MTFR1: variants seen among roughly 807,000 people sequenced by gnomAD.
MTFR1 encodes the protein chondrocyte protein with a poly-proline region.
In MTFR1, 28 loss-of-function variants were observed where a neutral mutation model predicts 38.8. The observed-to-expected ratio is 0.72, with a 90% CI of 0.53 to 0.99. The LOEUF (loss-of-function observed/expected upper bound fraction) is 0.99, where lower values mean the gene tolerates loss of function less well. Ranked by LOEUF, MTFR1 falls within the 50% of genes least tolerant of loss-of-function variation. The probability of loss-of-function intolerance (pLI) is 0.00; values close to 1 mark genes in which losing one functional copy is unlikely to be tolerated. For synonymous variants in MTFR1, 145 were observed against 137.0 expected, an observed-to-expected ratio of 1.06 and a Z score of -0.41; for missense variants, 358 against 395.5, an observed-to-expected ratio of 0.91 and a Z score of 0.81.
chr8:65,719,440 A>G, exon 3 of MTFR1: 1 of 1,614,154 alleles, frequency 6.2e-7, no homozygotes. Flanking sequence ...ATAGCCTTGT[A>G]TTGGAAAACC....
intron 3 of MTFR1, among the ~76,000 whole-genome samples, chr8:65,729,709 C>A (rs948657612): frequency 4.0e-5 from 6 of 151,206 alleles, no homozygotes; most frequent in African/African-American, 1.2e-4. Flanking sequence ...ATTATAGGCG[C>A]CTACCACCAT....
At chr8:65,772,891 C>T (rs1809150163), downstream of MTFR1, among the ~76,000 whole-genome samples, 1 of 151,982 alleles carries the variant, frequency 6.6e-6, no homozygotes, top group Non-Finnish European at 1.5e-5. Context: ...ACCTGTAATC[C>T]CAGCTACTTG....
chr8:65,765,546 G>T (rs1808740524), intron 3 of MTFR1: 1 of 146,408 alleles, frequency 6.8e-6, no homozygotes, highest in Non-Finnish European at 1.5e-5. Context: ...ATGCTTACAT[G>T]GACTGGAACA....
intron 3 of MTFR1, chr8:65,727,531 TAC>T: frequency 2.3e-6 from 1 of 437,126 alleles, no homozygotes; most frequent in Non-Finnish European, 4.0e-6. Flanking sequence ...ATGTGGAGTT[TAC>T]AGAGTTCATC....
intron 4 of MTFR1, among the ~76,000 whole-genome samples, chr8:65,694,098 A>G (rs1252132995): frequency 2.3e-5 from 3 of 131,786 alleles, no homozygotes; most frequent in African/African-American, 5.7e-5. Flanking sequence ...TTTTTTAGAT[A>G]GAGTCTTGTT....
downstream of MTFR1, among the ~76,000 whole-genome samples, chr8:65,775,178 T>G (rs1809224921): frequency 6.6e-6 from 1 of 152,228 alleles, no homozygotes. Flanking sequence ...TTAGCTCCAT[T>G]CAATCTTTAA....
At chr8:65,755,750 T>C (rs1056327315) in intron 3 of MTFR1, among the ~76,000 whole-genome samples, 2 of 152,250 alleles carry the variant, frequency 1.3e-5, no homozygotes, top group Non-Finnish European at 2.9e-5. Context: ...TAACTGTTAA[T>C]ACCCTTTTAT....
At chr8:65,720,723 T>C (rs1434908811) in intron 3 of MTFR1, 1 of 152,238 alleles carries the variant, frequency 6.6e-6, no homozygotes, top group East Asian at 1.9e-4. Context: ...ACAAGATCCC[T>C]GCCCTCAAGG....
intron 3 of MTFR1, among the ~76,000 whole-genome samples, chr8:65,743,793 CCT>C (rs1387684304): frequency 6.6e-6 from 1 of 151,996 alleles, no homozygotes; most frequent in East Asian, 1.9e-4. Context: ...GCACTGACTT[CCT>C]CTCAGTGTAC....
chr8:65,667,520 C>T (rs994922440), intron 1 of MTFR1, among the ~76,000 whole-genome samples: 36 of 151,876 alleles, frequency 2.4e-4, no homozygotes, highest in African/African-American at 8.2e-4. Context: ...CTCTGCATTC[C>T]GGGTTCAAGC....
chr8:65,694,283 C>T (rs1805370352), intron 4 of MTFR1, among the ~76,000 whole-genome samples: 1 of 151,936 alleles, frequency 6.6e-6, no homozygotes, highest in Admixed American at 6.6e-5. Context: ...CCATGTTAGC[C>T]AGGCTGGTCT....
At chr8:65,690,359 A>AC (rs930615805) in intron 3 of MTFR1, among the ~76,000 whole-genome samples, 7 of 151,596 alleles carry the variant, frequency 4.6e-5, no homozygotes, top group African/African-American at 1.5e-4. Context: ...ACATGGCGAT[A>AC]CCCCCCATCT....
At chr8:65,704,966 A>G in intron 5 of MTFR1, 37 bp downstream of exon 5, 3 of 1,494,162 alleles carry the variant, frequency 2.0e-6, no homozygotes, top group Non-Finnish European at 2.7e-6. Context: ...TTAACTTGCA[A>G]ACTAGAAGTT....
At chr8:65,697,522 C>CA (rs1411262986) in intron 4 of MTFR1, among the ~76,000 whole-genome samples, 1 of 152,172 alleles carries the variant, frequency 6.6e-6, no homozygotes, top group Non-Finnish European at 1.5e-5. Flanking sequence ...TTTAATCATG[C>CA]AGTAGTTGAT....
At position 65,646,298 on chromosome 8, in the gene MTFR1, T is replaced by G. The variant is rs1808963945; in HGVS notation, c.-81+1514T>G. Among the ~76,000 whole-genome samples the G allele has an allele frequency of 1.3e-5, 2 of 152,216 alleles. 1 individual carries two copies. Among genetic ancestry groups the G allele is most frequent in the South Asian group, 4.1e-4 (2 of 4,820 alleles). Reference sequence around the variant, plus strand: ...ACCTGAAGTCACACTGCTGAAAGGATGGGGGTGGGGGTAGAATTCAGAATG... The same window carrying G: ...ACCTGAAGTCACACTGCTGAAAGGAGGGGGGTGGGGGTAGAATTCAGAATG... On this transcript the variant is annotated intron_variant, in intron 1 of 7. Coordinates refer to ENST00000262146, the MANE Select transcript of MTFR1 (RefSeq NM_014637.4).
At chr8:65,721,616 G>C (rs983807729) in intron 3 of MTFR1, among the ~76,000 whole-genome samples, 1 of 152,132 alleles carries the variant, frequency 6.6e-6, no homozygotes, top group Admixed American at 6.5e-5. Flanking sequence ...AATAGCTTGA[G>C]ATGAACAGTG....
At position 65,682,500 on chromosome 8, in the gene MTFR1, A is replaced by C. The variant is rs1246576679; in HGVS notation, c.165+49A>C. On this transcript the variant is annotated intron_variant, in intron 3 of 7. Coordinates refer to ENST00000262146, the MANE Select transcript of MTFR1 (RefSeq NM_014637.4). ...GTATTTTATTAATATGTACATTAGAAATATAAATAGGCAAGATGGTTTTAA... is the reference window on the plus strand; with the variant it reads ...GTATTTTATTAATATGTACATTAGACATATAAATAGGCAAGATGGTTTTAA... The C allele has an allele frequency of 3.0e-6, 3 of 1,000,810 alleles. No homozygotes were observed. In the African/African-American group the frequency reaches 5.1e-5, roughly 17 times the overall value. 62.0% of individuals were successfully genotyped at this position (1,000,810 alleles called of 1,614,324 possible). A position where few individuals can be genotyped will look rare whatever the true frequency, so the allele number is the denominator to read the frequency against.
chr8:65,656,048 T>C (rs1038695870), intron 1 of MTFR1, among the ~76,000 whole-genome samples: 1 of 143,036 alleles, frequency 7.0e-6, no homozygotes, highest in African/African-American at 2.7e-5. Context: ...AAAAAAATTA[T>C]AGCCAGGCAT....
chr8:65,708,893 C>CT, intron 7 of MTFR1, 83 bp from the exon 8 acceptor site: 2 of 1,370,444 alleles, frequency 1.5e-6, no homozygotes. Flanking sequence ...ACCCAGCCCT[C>CT]TAATCCATGA....
Sources: gnomAD v4.1 joint callset for allele counts (sites outside exome capture counted in the v4.1 genomes callset) on GRCh38, gnomAD v4.1.1 for gene constraint, MANE v1.5 for transcripts, NCBI Gene and HGNC (gene_info 2026-07-23, HGNC 2026-07-21) for gene names.